The following HBS1L variants were observed in gnomAD, a reference collection of about 807,000 sequenced individuals.
HBS1L encodes HBS1-like protein.
HBS1L carries 55 observed loss-of-function variants against 88.9 expected under a neutral mutation model. The ratio of observed to expected loss-of-function variants is 0.62; its 90% confidence interval spans 0.50 to 0.77. The LOEUF is 0.77. Ranked by LOEUF, HBS1L falls within the 30% of genes least tolerant of loss-of-function variation. The pLI is 0.00. For synonymous variants in HBS1L, 267 were observed against 288.5 expected, an observed-to-expected ratio of 0.93 and a Z score of 0.76; for missense variants, 741 against 829.3, an observed-to-expected ratio of 0.89 and a Z score of 1.31.
At chr6:134,979,526 G>T (rs569117114) in intron 13 of HBS1L, 249 of 368,598 alleles carry the variant, frequency 6.8e-4, no homozygotes, top group Non-Finnish European at 9.3e-4. Context: ...ATTTAATCAA[G>T]ATTTTTAAAC....
rs922121855 is a variant in HBS1L, at chr6:134,964,744, T to A, written c.*535A>T. 6.6e-6 allele frequency: 1 copy of A among 151,660 alleles called. No homozygotes were observed. Among genetic ancestry groups the A allele is most frequent in the African/African-American group, 2.4e-5 (1 of 41,212 alleles). The allele number at this position is 151,660 out of a possible 1,614,324, so 9.4% of individuals were successfully genotyped here. A position where few individuals can be genotyped will look rare whatever the true frequency, so the allele number is the denominator to read the frequency against. ...ATTAAACTTTCACAAGTTTACTTGT[T>A]TGGGGAGGGACATTCTTATGGTCAC... is the stretch of plus-strand genomic sequence containing the variant. On this transcript the variant is annotated 3_prime_UTR_variant, in exon 18 of 18. Coordinates refer to ENST00000367837, the MANE Select transcript of HBS1L (RefSeq NM_006620.4).
At chr6:134,995,729 CATAT>C (rs1399380019) in intron 7 of HBS1L, among the ~76,000 whole-genome samples, 3 of 151,892 alleles carry the variant, frequency 2.0e-5, no homozygotes, top group Non-Finnish European at 4.4e-5. Flanking sequence ...ACTATTGCAT[CATAT>C]ACAATTACAT....
chr6:135,042,103 G>T lies in HBS1L; in HGVS notation c.133C>A (p.Arg45Ser). Residue 45 changes from arginine (R) to serine (S), a missense_variant, in exon 3 of 18, where the codon CGT becomes AGT. Arg to Ser is a moderately radical substitution (Grantham distance 110). This residue lies in a region of HBS1L where 556 missense variants were observed against 598.4 expected (regional missense o/e 0.93). Coordinates refer to ENST00000367837, the MANE Select transcript of HBS1L (RefSeq NM_006620.4). ...ACAGGCTCAACGGAAGGTTTGTCAC[G>T]CCGTGAATAAATAAACTGAGCAGCT... ...STAAQFIYSR[R>S]DKPSVEPVEE... is the part of the protein sequence containing the mutation. 1.2e-6 allele frequency: 2 copies of T among 1,612,584 alleles called. No homozygotes were observed. The highest frequency in any genetic ancestry group is 1.7e-6 in the Non-Finnish European group (2 of 1,179,108).
chr6:135,028,805 A>G (rs1341933211), intron 4 of HBS1L, among the ~76,000 whole-genome samples: 1 of 152,128 alleles, frequency 6.6e-6, no homozygotes, highest in Non-Finnish European at 1.5e-5. Context: ...TGGAGACAGT[A>G]TTTTTTTCCT....
chr6:135,019,325 T>C (rs1053141637), intron 4 of HBS1L, among the ~76,000 whole-genome samples: 2 of 151,784 alleles, frequency 1.3e-5, no homozygotes, highest in African/African-American at 4.8e-5. Context: ...TAGTGCACAC[T>C]TGGAGACAAG....
At position 134,960,447 on chromosome 6, in the gene HBS1L, T is replaced by C. The variant is rs1774160900; in HGVS notation, c.*4832A>G. On this transcript the variant is annotated 3_prime_UTR_variant, in exon 18 of 18. Coordinates refer to ENST00000367837, the MANE Select transcript of HBS1L (RefSeq NM_006620.4). ...TTACATGATCTATAAGGCAGAGCTA[T>C]GAGAATTCCTCAATAATTGTAACTA... 6.6e-6 allele frequency: 1 copy of C among 152,162 alleles called. No homozygotes were observed. The highest frequency in any genetic ancestry group is 6.5e-5 in the Admixed American group (1 of 15,280). The allele number at this position is 152,162 out of a possible 1,614,324, so 9.4% of individuals were successfully genotyped here.
intron 15 of HBS1L, among the ~76,000 whole-genome samples, chr6:134,971,148 A>T (rs1455115341): frequency 1.3e-5 from 2 of 152,032 alleles, no homozygotes; most frequent in African/African-American, 4.8e-5. Context: ...TACTCCAAAA[A>T]GACAAAAGTG....
chr6:134,965,603 G>T (rs769211792), intron 17 of HBS1L, among the ~76,000 whole-genome samples: 4 of 152,128 alleles, frequency 2.6e-5, no homozygotes, highest in Non-Finnish European at 5.9e-5. Flanking sequence ...TGAGTGCTTT[G>T]CACGTTATCA....
Position 134,960,686 on chromosome 6 carries a change from A to G in HBS1L, c.*4593T>C, listed in dbSNP as rs1774166298. Reference sequence around the variant, plus strand: ...ACATGCCTCAGTCAGACTTAAATCTAAATTCAAATCATGGTTCCATAATTT... The same window carrying G: ...ACATGCCTCAGTCAGACTTAAATCTGAATTCAAATCATGGTTCCATAATTT... On this transcript the variant is annotated 3_prime_UTR_variant, in exon 18 of 18. Coordinates refer to ENST00000367837, the MANE Select transcript of HBS1L (RefSeq NM_006620.4). 1 of 152,192 alleles carries G rather than the reference A, an allele frequency of 6.6e-6. No individual in the cohort carries two copies. The highest frequency in any genetic ancestry group is 1.5e-5 in the Non-Finnish European group (1 of 68,022). 9.4% of individuals were successfully genotyped at this position (152,192 alleles called of 1,614,324 possible). A position where few individuals can be genotyped will look rare whatever the true frequency, so the allele number is the denominator to read the frequency against.
rs1008730704 is a variant in HBS1L, at chr6:135,034,595, G to C, written c.430+4978C>G. 3.9e-5 allele frequency among the ~76,000 whole-genome samples: 6 copies of C among 152,350 alleles called. No individual in the cohort carries two copies. The South Asian group carries it at 1.2e-3, about 32-fold the overall frequency. On this transcript the variant is annotated intron_variant, in intron 4 of 17. Transcript: ENST00000367837. ...AGAGGCGGAGGTTGCAGTGAGCCGAGATCATGCCACTGCACTCCAGCCTGG... is the reference window on the plus strand; with the variant it reads ...AGAGGCGGAGGTTGCAGTGAGCCGACATCATGCCACTGCACTCCAGCCTGG...
intron 15 of HBS1L, among the ~76,000 whole-genome samples, 165 bp downstream of exon 15, chr6:134,978,510 AAAAC>A (rs1375648382): frequency 9.2e-5 from 14 of 152,026 alleles, no homozygotes; most frequent in African/African-American, 3.4e-4. Context: ...ATCAAAATAA[AAAAC>A]AAAATAAAAA....
chr6:134,983,552 T>G (rs1774892984), intron 12 of HBS1L: 1 of 152,092 alleles, frequency 6.6e-6, no homozygotes, highest in African/African-American at 2.4e-5. Context: ...ATCTGAAGTG[T>G]CTATGAGACA....
In HBS1L at chr6:134,986,106, G is replaced by C. The variant is rs1774971266; in HGVS notation, c.1383C>G (p.Leu461=). ...AACATAGTCCTTTATACCATTTTGT[G>C]AGTTCACTTGACTGAGATCTTGTGA... ...NLITRSQSSE[L]TKWYKGLCLL... Residue 461 remains leucine (L), a synonymous_variant, in exon 11 of 18, where the codon CTC becomes CTG. Coordinates refer to ENST00000367837, the MANE Select transcript of HBS1L (RefSeq NM_006620.4). 1 of 1,593,332 alleles carries C rather than the reference G, an allele frequency of 6.3e-7. No homozygotes were observed. The highest frequency in any genetic ancestry group is 1.1e-5 in the South Asian group (1 of 90,316).
intron 4 of HBS1L, among the ~76,000 whole-genome samples, chr6:135,038,299 G>A (rs752080053): frequency 1.3e-5 from 2 of 151,836 alleles, no homozygotes; most frequent in Non-Finnish European, 2.9e-5. Flanking sequence ...TAATTTTCAC[G>A]AATTTAAAAA....
chr6:135,037,506 TA>T (rs750387080), intron 4 of HBS1L: 86 of 1,549,364 alleles, frequency 5.6e-5, no homozygotes, highest in Non-Finnish European at 7.0e-5. Context: ...TTGAACTTCC[TA>T]AACTGTCCTG....
intron 5 of HBS1L, among the ~76,000 whole-genome samples, chr6:134,999,704 T>G (rs1002958744): frequency 6.6e-6 from 1 of 152,090 alleles, no homozygotes; most frequent in Non-Finnish European, 1.5e-5. Context: ...TGCCTCGGCC[T>G]CCCAAAGTGC....
chr6:135,046,480 C>T (rs1273309611), intron 2 of HBS1L, among the ~76,000 whole-genome samples: 3 of 152,106 alleles, frequency 2.0e-5, no homozygotes, highest in Non-Finnish European at 4.4e-5. Flanking sequence ...TATATGCAAA[C>T]TCCTTTTGCT....
At chr6:134,976,668 A>G (rs937979220) in intron 15 of HBS1L, among the ~76,000 whole-genome samples, 3 of 152,096 alleles carry the variant, frequency 2.0e-5, no homozygotes, top group African/African-American at 7.2e-5. Flanking sequence ...ACCAAATAGC[A>G]TATGTGCTTA....
rs544815821 is a variant in HBS1L at position 135,023,970 on chromosome 6, T to TGAAATAAATTTTTTTC, written c.430+15602_430+15603insGAAAAAAATTTATTTC. 2.9e-3 allele frequency among the ~76,000 whole-genome samples: 439 copies of TGAAATAAATTTTTTTC among 152,312 alleles called. 1 individual carries two copies. Among genetic ancestry groups the TGAAATAAATTTTTTTC allele is most frequent in the African/African-American group, 0.01 (424 of 41,584 alleles). On this transcript the variant is annotated intron_variant, in intron 4 of 17. Coordinates refer to ENST00000367837, the MANE Select transcript of HBS1L (RefSeq NM_006620.4). The stretch of plus-strand genomic sequence containing the variant: ...CTCAATGCTCACTTTTTTTTAACAC[T>TGAAATAAATTTTTTTC]ATTTTTTCAATGAAATAAAATTAAT...
Sources: gnomAD v4.1 joint callset for allele counts (sites outside exome capture counted in the v4.1 genomes callset) on GRCh38, gnomAD v4.1.1 for gene constraint, gnomAD v4.1.1 regional missense constraint, MANE v1.5 for transcripts, NCBI Gene and HGNC (gene_info 2026-07-23, HGNC 2026-07-21) for gene names.